The following SOX5 variants were observed in gnomAD, a reference collection of about 807,000 sequenced individuals.
SOX5 encodes SRY-box transcription factor 5, also known as transcription factor SOX-5.
SOX5 carries 9 observed loss-of-function variants against 92.0 expected under a neutral mutation model. The ratio of observed to expected loss-of-function variants is 0.10; its 90% CI spans 0.06 to 0.17. The LOEUF (loss-of-function observed/expected upper bound fraction) is 0.17. Among genes scored for constraint, SOX5 ranks in the 10% least tolerant of loss-of-function variants. SOX5 has a pLI of 1.00. For synonymous variants in SOX5, 344 were observed against 336.3 expected (o/e 1.02, Z -0.25); for missense variants, 642 against 944.5 (o/e 0.68, Z 4.20).
At chr12:24,466,013 T>C (rs746723202) in intron 1 of SOX5, among the ~76,000 whole-genome samples, 13 of 152,150 alleles carry the variant, frequency 8.5e-5, no homozygotes, top group East Asian at 1.9e-4. Context: ...ACCCTAATTA[T>C]CCCACACTGC....
intron 8 of SOX5, among the ~76,000 whole-genome samples, chr12:23,617,102 G>A (rs1430664714): frequency 6.7e-6 from 1 of 149,502 alleles, no homozygotes; most frequent in African/African-American, 2.5e-5. Flanking sequence ...TCCAGGCCTG[G>A]GCAATAGAAC....
intron 1 of SOX5, among the ~76,000 whole-genome samples, chr12:24,554,928 C>T (rs1953618993): frequency 6.6e-6 from 1 of 152,214 alleles, no homozygotes; most frequent in Non-Finnish European, 1.5e-5. Flanking sequence ...ATGCCACCAG[C>T]TCCTCTACAG....
At chr12:23,763,344 C>T (rs1056712449) in intron 3 of SOX5, among the ~76,000 whole-genome samples, 5 of 152,076 alleles carry the variant, frequency 3.3e-5, no homozygotes, top group African/African-American at 9.7e-5. Context: ...TATAAAACAA[C>T]CTAGGAAAAT....
chr12:24,096,539 T>C (rs1185280828), intron 4 of SOX5, among the ~76,000 whole-genome samples: 1 of 152,224 alleles, frequency 6.6e-6, no homozygotes, highest in African/African-American at 2.4e-5. Context: ...CTTATATAAA[T>C]GGAATTATAC....
rs1478688782 is a variant in SOX5, at chr12:23,530,485, T to G, written c.*3734A>C. ...TTATATTTGTTCTTTATAAGAGGATTTGGTTCTAACGATGATTATGTTCTT... is the reference window on the plus strand; with the variant it reads ...TTATATTTGTTCTTTATAAGAGGATGTGGTTCTAACGATGATTATGTTCTT... On this transcript the variant is annotated 3_prime_UTR_variant, in exon 15 of 15. Coordinates refer to ENST00000451604, the MANE Select transcript of SOX5 (RefSeq NM_006940.6). The G allele has an allele frequency of 1.5e-5, 1 of 68,062 alleles. No individual in the cohort carries two copies. Among genetic ancestry groups the G allele is most frequent in the Admixed American group, 1.5e-4 (1 of 6,816 alleles). 4.2% of individuals were successfully genotyped at this position (68,062 alleles called of 1,614,324 possible).
intron 7 of SOX5, among the ~76,000 whole-genome samples, chr12:23,653,139 G>T (rs1421132288): frequency 6.6e-6 from 1 of 151,916 alleles, no homozygotes; most frequent in Non-Finnish European, 1.5e-5. Flanking sequence ...TCTGGCTCCT[G>T]CAGCATATGT....
intron 1 of SOX5, among the ~76,000 whole-genome samples, chr12:24,466,276 T>C (rs1335802847): frequency 6.6e-6 from 1 of 152,012 alleles, no homozygotes; most frequent in Non-Finnish European, 1.5e-5. Context: ...AGAATCTTGC[T>C]GTATAGCCCA....
intron 6 of SOX5, among the ~76,000 whole-genome samples, chr12:23,720,548 G>A (rs538018589): frequency 1.3e-3 from 197 of 151,836 alleles, no homozygotes; most frequent in African/African-American, 4.6e-3. Flanking sequence ...CCAATGATAT[G>A]TTGTTAAACA....
chr12:24,457,907 T>C (rs1943191126), intron 1 of SOX5, among the ~76,000 whole-genome samples: 1 of 152,180 alleles, frequency 6.6e-6, no homozygotes, highest in South Asian at 2.1e-4. Flanking sequence ...AAATGTAAAA[T>C]ACTAAGAGTG....
chr12:23,966,786 C>CA (rs1591880915), intron 4 of SOX5, among the ~76,000 whole-genome samples: 2 of 152,002 alleles, frequency 1.3e-5, no homozygotes, highest in South Asian at 4.1e-4. Context: ...ACAACTGATA[C>CA]AAAAAATGCT....
intron 3 of SOX5, among the ~76,000 whole-genome samples, chr12:24,248,041 C>G (rs1190299318): frequency 6.6e-6 from 1 of 152,178 alleles, no homozygotes; most frequent in Non-Finnish European, 1.5e-5. Context: ...AGTTTAGAGT[C>G]TGGGTGGAGC....
chr12:24,441,217 C>T (rs964090475), intron 1 of SOX5, among the ~76,000 whole-genome samples: 58 of 152,176 alleles, frequency 3.8e-4, no homozygotes, highest in African/African-American at 1.3e-3. Flanking sequence ...TCCCTCCTCC[C>T]ATCCTACTGC....
chr12:23,652,400 T>C (rs953341337), intron 7 of SOX5, among the ~76,000 whole-genome samples: 2 of 152,026 alleles, frequency 1.3e-5, no homozygotes, highest in African/African-American at 4.8e-5. Context: ...CCTTGGCACT[T>C]GGTTCTTCTC....
At chr12:24,070,595 A>T (rs560872582) in intron 4 of SOX5, among the ~76,000 whole-genome samples, 76 of 152,308 alleles carry the variant, frequency 5.0e-4, no homozygotes, top group African/African-American at 1.8e-3. Context: ...TTAAAAAAAA[A>T]AACTACTGTA....
At chr12:24,013,159 A>G (rs1953156855) in intron 4 of SOX5, among the ~76,000 whole-genome samples, 1 of 152,186 alleles carries the variant, frequency 6.6e-6, no homozygotes. Flanking sequence ...AGTCAAGCTT[A>G]GAGCAGGAAT....
At chr12:24,256,687 T>C (rs1941246064) in intron 3 of SOX5, among the ~76,000 whole-genome samples, 1 of 151,972 alleles carries the variant, frequency 6.6e-6, no homozygotes, top group African/African-American at 2.4e-5. Flanking sequence ...TGACTGACTA[T>C]CCATTAGAGT....
chr12:24,443,697 C>A (rs1241457124), intron 1 of SOX5, among the ~76,000 whole-genome samples: 1 of 152,188 alleles, frequency 6.6e-6, no homozygotes, highest in Non-Finnish European at 1.5e-5. Context: ...TATCTCCTGG[C>A]AGGCCAAGCT....
chr12:23,577,542 T>C (rs894811694), intron 9 of SOX5, among the ~76,000 whole-genome samples: 1 of 152,044 alleles, frequency 6.6e-6, no homozygotes, highest in Non-Finnish European at 1.5e-5. Flanking sequence ...TAGATTATTA[T>C]TTGATTCTGT....
chr12:24,329,524 G>A (rs529884846), intron 2 of SOX5, among the ~76,000 whole-genome samples: 1 of 152,108 alleles, frequency 6.6e-6, no homozygotes, highest in Non-Finnish European at 1.5e-5. Context: ...GATGAGATTC[G>A]GGTGGGGACA....
Sources: gnomAD v4.1 joint callset for allele counts (sites outside exome capture counted in the v4.1 genomes callset) on GRCh38, gnomAD v4.1.1 for gene constraint, MANE v1.5 for transcripts, NCBI Gene and HGNC (gene_info 2026-07-23, HGNC 2026-07-21) for gene names.